The following MOSMO variants were observed in gnomAD, a reference collection of about 807,000 sequenced individuals.
The protein encoded by MOSMO is modulator of smoothened protein.
In MOSMO, 5 loss-of-function variants were observed where a neutral mutation model predicts 18.4. That is an observed-to-expected ratio of 0.27 (90% CI 0.14 to 0.57). MOSMO has a LOEUF of 0.57. MOSMO is among the 20% of genes least tolerant of loss of function. The probability of loss-of-function intolerance (pLI) is 0.92; values close to 1 mark genes in which losing one functional copy is unlikely to be tolerated. For missense variants in MOSMO, 138 were observed against 211.8 expected (o/e 0.65, Z 2.16); for synonymous variants, 82 against 82.3 (o/e 1.00, Z 0.02).
chr16:22,070,662 CT>C (rs1047340197), intron 1 of MOSMO, among the ~76,000 whole-genome samples: 2 of 151,416 alleles, frequency 1.3e-5, no homozygotes, highest in Admixed American at 6.6e-5. Context: ...CCTGTTCACT[CT>C]TTTTTTTTGG....
At chr16:22,021,145 T>G (rs1899753989) in intron 1 of MOSMO, among the ~76,000 whole-genome samples, 1 of 152,232 alleles carries the variant, frequency 6.6e-6, no homozygotes, top group African/African-American at 2.4e-5. Context: ...AGAGGTTGGA[T>G]CCAATGTTCC....
chr16:22,027,615 T>C (rs1899902219), intron 1 of MOSMO, among the ~76,000 whole-genome samples: 1 of 152,332 alleles, frequency 6.6e-6, no homozygotes, highest in Middle Eastern at 3.4e-3. Flanking sequence ...CTCCTCCAGA[T>C]TTATGAGTGA....
At chr16:22,016,217 A>G (rs1899633169) in intron 1 of MOSMO, among the ~76,000 whole-genome samples, 1 of 152,122 alleles carries the variant, frequency 6.6e-6, no homozygotes, top group Non-Finnish European at 1.5e-5. Context: ...TGGGGCATGT[A>G]ATTTGATTTT....
At chr16:22,042,971 C>T (rs962284750) in intron 1 of MOSMO, among the ~76,000 whole-genome samples, 11 of 152,174 alleles carry the variant, frequency 7.2e-5, no homozygotes, top group African/African-American at 2.7e-4. Context: ...CTGTCTTATT[C>T]CATACCCCAT....
intron 1 of MOSMO, 133 bp from the exon 2 acceptor site, chr16:22,075,354 G>T (rs1299639527): frequency 1.4e-6 from 1 of 730,440 alleles, no homozygotes; most frequent in African/African-American, 1.7e-5. Flanking sequence ...ATGCTGAAGA[G>T]TAGGACTTAG....
intron 1 of MOSMO, among the ~76,000 whole-genome samples, chr16:22,024,389 G>A (rs1340444965): frequency 1.3e-5 from 2 of 149,838 alleles, no homozygotes; most frequent in South Asian, 2.1e-4. Context: ...TTTTTGAGAC[G>A]GAGTCTTGTT....
At chr16:22,023,042 A>G (rs568138425) in intron 1 of MOSMO, among the ~76,000 whole-genome samples, 1 of 152,326 alleles carries the variant, frequency 6.6e-6, no homozygotes, top group East Asian at 1.9e-4. Context: ...AATCTTATTC[A>G]TCTTCTTATG....
chr16:22,011,670 T>C (rs931380845), intron 1 of MOSMO, among the ~76,000 whole-genome samples: 2 of 151,752 alleles, frequency 1.3e-5, no homozygotes, highest in African/African-American at 4.9e-5. Flanking sequence ...GAGGAAGTGA[T>C]TGTTTTTTTT....
chr16:22,067,142 A>G (rs748687946), intron 1 of MOSMO, among the ~76,000 whole-genome samples: 1 of 152,228 alleles, frequency 6.6e-6, no homozygotes, highest in Non-Finnish European at 1.5e-5. Context: ...AGAATCATCA[A>G]ACTTAAAGAC....
At chr16:22,017,275 C>G (rs1007747442) in intron 1 of MOSMO, among the ~76,000 whole-genome samples, 1 of 151,926 alleles carries the variant, frequency 6.6e-6, no homozygotes, top group Non-Finnish European at 1.5e-5. Context: ...ACATAGTGAC[C>G]GTGTTTGATA....
At chr16:22,048,915 C>T (rs1249947170) in intron 1 of MOSMO, among the ~76,000 whole-genome samples, 4 of 152,106 alleles carry the variant, frequency 2.6e-5, no homozygotes, top group Non-Finnish European at 5.9e-5. Flanking sequence ...GTTTTCCTCA[C>T]TATAACCGGT....
intron 1 of MOSMO, among the ~76,000 whole-genome samples, chr16:22,024,325 A>ATGTATAGGAGATTTAG (rs1411476143): frequency 6.6e-6 from 1 of 151,898 alleles, no homozygotes; most frequent in African/African-American, 2.4e-5. Flanking sequence ...ATTTACAAAT[A>ATGTATAGGAGATTTAG]TGTATAGGAG....
At chr16:22,086,639 G>A (rs534663699), downstream of MOSMO, among the ~76,000 whole-genome samples, 65 of 152,222 alleles carry the variant, frequency 4.3e-4, no homozygotes, top group Non-Finnish European at 7.6e-4. Flanking sequence ...TGTAGAATGG[G>A]ACTAATAATA....
chr16:22,047,001 C>T (rs115488533), intron 1 of MOSMO, among the ~76,000 whole-genome samples: 4 of 152,000 alleles, frequency 2.6e-5, no homozygotes, highest in African/African-American at 7.3e-5. Flanking sequence ...ATATAGGACT[C>T]GCTCATCCCT....
chr16:22,068,712 T>G (rs929115255), intron 1 of MOSMO, among the ~76,000 whole-genome samples: 1 of 152,272 alleles, frequency 6.6e-6, no homozygotes, highest in Admixed American at 6.5e-5. Context: ...GTAGTTCTTT[T>G]TTTTAATTGC....
At position 22,080,933 on chromosome 16, in the gene MOSMO, TA is replaced by T; in HGVS notation, c.*54del. 1.0e-6 allele frequency: 1 copy of T among 962,726 alleles called. No individual in the cohort carries two copies. Among genetic ancestry groups the T allele is most frequent in the Non-Finnish European group, 1.4e-6 (1 of 727,344 alleles). 59.6% of individuals were successfully genotyped at this position (962,726 alleles called of 1,614,324 possible). A position where few individuals can be genotyped will look rare whatever the true frequency, so the allele number is the denominator to read the frequency against. ...TATTTTTTATTTTATTTTATTTTTT[TA>T]TTTTTGGAGGGTGGAGAGGACAAAG... On this transcript the variant is annotated 3_prime_UTR_variant, in exon 3 of 3. Coordinates refer to ENST00000542527, the MANE Select transcript of MOSMO (RefSeq NM_001164579.2).
chr16:22,021,699 T>A (rs1899766586), intron 1 of MOSMO, among the ~76,000 whole-genome samples: 1 of 151,554 alleles, frequency 6.6e-6, no homozygotes, highest in Non-Finnish European at 1.5e-5. Flanking sequence ...TCAGGAGGCG[T>A]AGGTGGGAGG....
chr16:22,064,687 G>A (rs1470117538), intron 1 of MOSMO, among the ~76,000 whole-genome samples: 3 of 152,166 alleles, frequency 2.0e-5, no homozygotes, highest in African/African-American at 7.2e-5. Flanking sequence ...TAAATTTAAT[G>A]TGTAATATCG....
intron 1 of MOSMO, among the ~76,000 whole-genome samples, chr16:22,035,225 T>C (rs1050501308): frequency 1.4e-4 from 21 of 152,104 alleles, no homozygotes; most frequent in African/African-American, 5.1e-4. Context: ...TGCTTCTTGG[T>C]GCCTTGCCCC....
Sources: allele counts gnomAD v4.1 joint callset (sites outside exome capture counted in the v4.1 genomes callset), GRCh38; gene constraint gnomAD v4.1.1; transcripts MANE v1.5; gene names NCBI Gene and HGNC (gene_info 2026-07-23, HGNC 2026-07-21).